Variants in PDE1A observed in about 807,000 individuals in gnomAD.
The protein encoded by PDE1A is phosphodiesterase 1A, also known as dual specificity calcium/calmodulin-dependent 3',5'-cyclic nucleotide phosphodiesterase 1A.
PDE1A carries 35 observed loss-of-function variants against 61.7 expected under a neutral mutation model. The ratio of observed to expected loss-of-function variants is 0.57; its 90% CI spans 0.43 to 0.75. The LOEUF is 0.75. Among genes scored for constraint, PDE1A ranks in the 30% least tolerant of loss-of-function variants. The pLI is 0.00. For missense variants in PDE1A, 597 were observed against 630.6 expected (o/e 0.95, Z 0.57); for synonymous variants, 232 against 213.2 (o/e 1.09, Z -0.77).
chr2:182,550,327 C>A, the PDE1A span, among the ~76,000 whole-genome samples: 1 of 152,084 alleles, frequency 6.6e-6, no homozygotes, highest in East Asian at 1.9e-4. Context: ...ATTCACAGGG[C>A]ACTTCGCTAG....
At chr2:182,510,680 T>C (rs1689724258) in intron 2 of PDE1A, among the ~76,000 whole-genome samples, 1 of 152,180 alleles carries the variant, frequency 6.6e-6, no homozygotes, top group African/African-American at 2.4e-5. Context: ...AAAATAAGTC[T>C]AGCCCTGAGA....
At chr2:182,151,617 C>T (rs1277146658) in intron 13 of PDE1A, among the ~76,000 whole-genome samples, 1 of 152,182 alleles carries the variant, frequency 6.6e-6, no homozygotes, top group African/African-American at 2.4e-5. Context: ...TGCCACCTGT[C>T]CTCTCGCTTA....
rs770635327 is a variant in PDE1A, at chr2:182,228,736, T to G, written c.675+1270A>C. Among the ~76,000 whole-genome samples, 132 of 152,318 alleles carry G rather than the reference T, an allele frequency of 8.7e-4. 2 individuals are homozygous for G. The highest frequency in any genetic ancestry group is 6.8e-3 in the Middle Eastern group (2 of 294). On this transcript the variant is annotated intron_variant, in intron 6 of 13. Coordinates refer to ENST00000351439, the Ensembl canonical transcript of PDE1A. ...TCTCCATCTATGGTAAAAGTTCTCA[T>G]TATTCTCTTTAGTTCAAAGGTATTT...
chr2:182,454,326 G>GA (rs574089664), intron 2 of PDE1A, among the ~76,000 whole-genome samples: 44 of 152,218 alleles, frequency 2.9e-4, no homozygotes, highest in Admixed American at 9.2e-4. Context: ...TCAATATCGT[G>GA]AAAATGGCCA....
chr2:182,486,546 A>G (rs1195378222), intron 2 of PDE1A, among the ~76,000 whole-genome samples: 1 of 152,130 alleles, frequency 6.6e-6, no homozygotes, highest in Non-Finnish European at 1.5e-5. Flanking sequence ...TTACAAACTT[A>G]CTATAAAGCT....
chr2:182,337,926 A>G (rs1255613272), intron 1 of PDE1A, among the ~76,000 whole-genome samples: 1 of 152,128 alleles, frequency 6.6e-6, no homozygotes, highest in African/African-American at 2.4e-5. Flanking sequence ...ATCCTCAATG[A>G]CCTACCTGTC....
chr2:182,169,914 A>ACACGCG (rs1485621654), intron 13 of PDE1A, among the ~76,000 whole-genome samples: 1 of 101,660 alleles, frequency 9.8e-6, no homozygotes, highest in Non-Finnish European at 2.2e-5. Flanking sequence ...ACACACACAC[A>ACACGCG]CACACACGCA....
chr2:182,603,118 A>T, the PDE1A span, among the ~76,000 whole-genome samples: 1 of 152,300 alleles, frequency 6.6e-6, no homozygotes, highest in East Asian at 1.9e-4. Flanking sequence ...CTTGGCCAGA[A>T]TTAAAGATGA....
chr2:182,268,863 C>G (rs1692817832), intron 1 of PDE1A, among the ~76,000 whole-genome samples: 1 of 152,082 alleles, frequency 6.6e-6, no homozygotes, highest in Admixed American at 6.6e-5. Flanking sequence ...TCATTGACAA[C>G]GTTCACATTT....
upstream of PDE1A, among the ~76,000 whole-genome samples, chr2:182,431,213 G>C (rs891224434): frequency 1.4e-4 from 21 of 148,106 alleles, no homozygotes; most frequent in African/African-American, 4.7e-4. Context: ...TGTATGATTA[G>C]AGTACCTCAC....
the PDE1A span, among the ~76,000 whole-genome samples, chr2:182,553,240 CCCA>C: frequency 6.6e-6 from 1 of 152,140 alleles, no homozygotes; most frequent in African/African-American, 2.4e-5. Flanking sequence ...TTGGAAGCGG[CCCA>C]CCACCATCTT....
At chr2:182,564,698 C>T in the PDE1A span, among the ~76,000 whole-genome samples, 70 of 152,170 alleles carry the variant, frequency 4.6e-4, no homozygotes, top group Middle Eastern at 3.2e-3. Context: ...ACCAATCAGA[C>T]GTAGATTTGG....
intron 1 of PDE1A, among the ~76,000 whole-genome samples, chr2:182,379,639 CATAAA>C (rs1341287472): frequency 6.6e-6 from 1 of 152,154 alleles, no homozygotes; most frequent in Non-Finnish European, 1.5e-5. Flanking sequence ...AGTAATATAA[CATAAA>C]ATAATTTAAG....
the PDE1A span, among the ~76,000 whole-genome samples, chr2:182,634,240 G>A: frequency 6.6e-6 from 1 of 152,004 alleles, no homozygotes; most frequent in Non-Finnish European, 1.5e-5. Context: ...ATGTACAAAT[G>A]TACATTTATT....
chr2:182,259,229 TG>T (rs1335366392), intron 2 of PDE1A, among the ~76,000 whole-genome samples: 1 of 152,150 alleles, frequency 6.6e-6, no homozygotes, highest in African/African-American at 2.4e-5. Context: ...AAAAGTCAAC[TG>T]ATGTTTTTAC....
chr2:182,599,059 C>G, the PDE1A span, among the ~76,000 whole-genome samples: 1 of 152,216 alleles, frequency 6.6e-6, no homozygotes, highest in East Asian at 1.9e-4. Flanking sequence ...TCTGCCCCTT[C>G]TGAGTTGGGG....
chr2:182,327,617 G>A lies in PDE1A; in HGVS notation c.54-63203C>T, dbSNP rs144736244. On this transcript the variant is annotated intron_variant, in intron 1 of 13. Coordinates refer to ENST00000351439, the Ensembl canonical transcript of PDE1A. ...GGAGTATTTCATCACCTCTAAATCT[G>A]CTAACAGTTTTTATAAACAGACTGA... Among the ~76,000 whole-genome samples, 374 of 152,242 alleles carry A rather than the reference G, an allele frequency of 2.5e-3. 2 individuals are homozygous for A. The highest frequency in any genetic ancestry group is 8.4e-3 in the African/African-American group (351 of 41,562).
At chr2:182,440,116 C>T (rs557634374) in intron 2 of PDE1A, among the ~76,000 whole-genome samples, 1 of 152,074 alleles carries the variant, frequency 6.6e-6, no homozygotes, top group Non-Finnish European at 1.5e-5. Flanking sequence ...TCTCATATAT[C>T]CTCCTCTTCC....
the PDE1A span, among the ~76,000 whole-genome samples, chr2:182,648,668 T>G: frequency 2.0e-5 from 3 of 147,158 alleles, no homozygotes; most frequent in African/African-American, 7.6e-5. Context: ...GTTACTGCAC[T>G]CAGCCTGGGT....
Sources: allele counts gnomAD v4.1 joint callset (sites outside exome capture counted in the v4.1 genomes callset), GRCh38; gene constraint gnomAD v4.1.1; transcripts MANE v1.5; gene names NCBI Gene and HGNC (gene_info 2026-07-23, HGNC 2026-07-21).